SOX6: variants seen among roughly 807,000 people sequenced by gnomAD.
SOX6 encodes the protein SRY-box transcription factor 6.
In SOX6, 11 loss-of-function variants were observed where a neutral mutation model predicts 97.8. The ratio of observed to expected loss-of-function variants is 0.11; its 90% CI spans 0.07 to 0.19. The LOEUF (loss-of-function observed/expected upper bound fraction) is 0.19. Among genes scored for constraint, SOX6 ranks in the 10% least tolerant of loss-of-function variants. SOX6 has a pLI of 1.00. For missense variants in SOX6, 810 were observed against 1,039.5 expected (o/e 0.78, Z 3.04); for synonymous variants, 360 against 371.4 (o/e 0.97, Z 0.35).
At chr11:16,341,736 T>G (rs942050978) in intron 1 of SOX6, among the ~76,000 whole-genome samples, 2 of 152,050 alleles carry the variant, frequency 1.3e-5, no homozygotes, top group Non-Finnish European at 2.9e-5. Flanking sequence ...TAGGAAAATA[T>G]AATCAGGAGA....
At chr11:16,444,760 TAAAG>T (rs142623605) in intron 1 of SOX6, among the ~76,000 whole-genome samples, 12,740 of 152,182 alleles carry the variant, frequency 0.084, 588 homozygotes, top group Non-Finnish European at 0.11. Context: ...AATAAGAGGT[TAAAG>T]AGAGAAGCAA....
chr11:16,147,053 C>T (rs1236948174), intron 6 of SOX6, among the ~76,000 whole-genome samples: 4 of 152,140 alleles, frequency 2.6e-5, no homozygotes, highest in East Asian at 1.9e-4. Context: ...CACATGCACA[C>T]GTATGTTCAT....
intron 14 of SOX6, among the ~76,000 whole-genome samples, chr11:15,986,972 C>T (rs1488200703): frequency 6.6e-6 from 1 of 152,130 alleles, no homozygotes; most frequent in African/African-American, 2.4e-5. Flanking sequence ...GAAGTTATAG[C>T]TTTAGAACCG....
chr11:16,651,497 C>T (rs967731186), intron 3 of SOX6, among the ~76,000 whole-genome samples: 2 of 151,994 alleles, frequency 1.3e-5, no homozygotes, highest in African/African-American at 4.8e-5. Flanking sequence ...TGTGATATAC[C>T]ACATAAGCAG....
At chr11:16,676,381 G>A (rs1847884817) in intron 3 of SOX6, among the ~76,000 whole-genome samples, 1 of 152,038 alleles carries the variant, frequency 6.6e-6, no homozygotes, top group African/African-American at 2.4e-5. Flanking sequence ...TAAAATCTTT[G>A]TCTAGTGAAT....
At chr11:16,622,905 A>G (rs573143921) in intron 3 of SOX6, among the ~76,000 whole-genome samples, 1 of 152,266 alleles carries the variant, frequency 6.6e-6, no homozygotes, top group Admixed American at 6.5e-5. Context: ...TTTTCACCAT[A>G]TCCACACTAA....
intron 4 of SOX6, among the ~76,000 whole-genome samples, chr11:16,579,888 A>G (rs1848016752): frequency 6.6e-6 from 1 of 152,174 alleles, no homozygotes; most frequent in African/African-American, 2.4e-5. Context: ...AAAATTAGTT[A>G]TAACAATTTA....
At chr11:16,583,603 G>GTACATATATACATATATATATATATA (rs1848051843) in intron 4 of SOX6, among the ~76,000 whole-genome samples, 1 of 22,670 alleles carries the variant, frequency 4.4e-5, no homozygotes, top group African/African-American at 1.8e-4. Context: ...GTATATATGT[G>GTACATATATACATATATATATATATA]TATATATATA....
chr11:16,148,722 T>C (rs1460809870), intron 6 of SOX6, among the ~76,000 whole-genome samples: 1 of 152,150 alleles, frequency 6.6e-6, no homozygotes, highest in African/African-American at 2.4e-5. Context: ...CTCTCCTTAC[T>C]TTTTTCCAGG....
intron 2 of SOX6, among the ~76,000 whole-genome samples, chr11:16,733,348 C>A (rs900217202): frequency 5.9e-5 from 9 of 152,084 alleles, no homozygotes; most frequent in African/African-American, 2.2e-4. Context: ...CAATGATAGA[C>A]TGGATAAAGA....
At chr11:16,602,029 C>G (rs1848276412) in intron 4 of SOX6, among the ~76,000 whole-genome samples, 1 of 152,100 alleles carries the variant, frequency 6.6e-6, no homozygotes, top group Non-Finnish European at 1.5e-5. Context: ...TTACCAAATC[C>G]ATTATAGAAT....
At chr11:16,392,684 G>T (rs1433175041) in intron 1 of SOX6, among the ~76,000 whole-genome samples, 2 of 152,048 alleles carry the variant, frequency 1.3e-5, no homozygotes, top group Non-Finnish European at 2.9e-5. Flanking sequence ...ATTCTTATGA[G>T]GTTTGGGGAT....
At chr11:16,730,453 G>A (rs1848340958) in intron 2 of SOX6, among the ~76,000 whole-genome samples, 6 of 152,034 alleles carry the variant, frequency 3.9e-5, no homozygotes, top group South Asian at 2.1e-4. Context: ...ACTCAAAACC[G>A]CACAACTACA....
intron 9 of SOX6, among the ~76,000 whole-genome samples, chr11:16,084,227 T>C (rs868163737): frequency 1.6e-4 from 24 of 152,186 alleles, no homozygotes; most frequent in Admixed American, 9.8e-4. Flanking sequence ...ACACATGCTA[T>C]ACATACACAC....
At position 16,102,675 on chromosome 11, in the gene SOX6, T is replaced by C. The variant is rs546497008; in HGVS notation, c.899-4987A>G. 3.3e-5 allele frequency among the ~76,000 whole-genome samples: 5 copies of C among 151,710 alleles called. No individual in the cohort carries two copies. In the East Asian group the frequency reaches 7.8e-4, roughly 24 times the overall value. ...AAACAGCATGGTACTGGTATGAAAA[T>C]AGGCACATAGACCAATAGAACAGAA... On this transcript the variant is annotated intron_variant, in intron 7 of 15. Transcript: ENST00000683767.
chr11:16,124,007 C>T (rs186447054), intron 6 of SOX6, among the ~76,000 whole-genome samples: 2 of 152,208 alleles, frequency 1.3e-5, no homozygotes, highest in East Asian at 3.9e-4. Flanking sequence ...ACCACATTTT[C>T]ACCATATGGA....
At chr11:15,975,558 G>A (rs761242433) in intron 15 of SOX6, among the ~76,000 whole-genome samples, 2 of 152,114 alleles carry the variant, frequency 1.3e-5, no homozygotes, top group Non-Finnish European at 2.9e-5. Flanking sequence ...ATATCAATAG[G>A]TCTACTGAAT....
At position 16,186,896 on chromosome 11, in the gene SOX6, T is replaced by A; in HGVS notation, c.595A>T (p.Ile199Phe). 1 of 1,613,826 alleles carries A rather than the reference T, an allele frequency of 6.2e-7. No homozygotes were observed. The highest frequency in any genetic ancestry group is 8.5e-7 in the Non-Finnish European group (1 of 1,179,828). The change falls in exon 5 of 16, where the codon ATC becomes TTC. Residue 199 changes from isoleucine (I) to phenylalanine (F), a missense_variant. Ile to Phe is a conservative substitution (Grantham distance 21). This residue lies in a region of SOX6 where 110 missense variants were observed against 119.0 expected (regional missense o/e 0.92). Transcript: ENST00000683767. ...RQLSTMITQL[I>F]SLREQLLAAH... ...GCCAGTAGCTGCTCCCGTAAACTGATCAGCTGGGTAATCATGGTGGAGAGC... is the reference window on the plus strand; with the variant it reads ...GCCAGTAGCTGCTCCCGTAAACTGAACAGCTGGGTAATCATGGTGGAGAGC...
At chr11:16,167,834 G>A (rs144419342) in intron 6 of SOX6, among the ~76,000 whole-genome samples, 108 of 152,060 alleles carry the variant, frequency 7.1e-4, no homozygotes, top group African/African-American at 2.5e-3. Context: ...CTCCTTCCCT[G>A]CTTTTTCTCC....
Sources: gnomAD v4.1 joint callset for allele counts (sites outside exome capture counted in the v4.1 genomes callset) on GRCh38, gnomAD v4.1.1 for gene constraint, gnomAD v4.1.1 regional missense constraint, MANE v1.5 for transcripts, NCBI Gene and HGNC (gene_info 2026-07-23, HGNC 2026-07-21) for gene names.